The following UBE2R2 variants were observed in gnomAD, a reference collection of about 807,000 sequenced individuals.
UBE2R2 encodes ubiquitin conjugating enzyme E2 R2, also known as ubiquitin-conjugating enzyme E2 R2.
Under a neutral mutation model 27.8 loss-of-function variants are expected in UBE2R2, and 1 was observed. That is an observed-to-expected ratio of 0.04 (90% CI 0.01 to 0.17). UBE2R2 has a LOEUF of 0.17. UBE2R2 is among the 10% of genes least tolerant of loss of function. UBE2R2 has a pLI of 1.00. For missense variants in UBE2R2, 100 were observed against 291.0 expected (o/e 0.34, Z 4.78); for synonymous variants, 106 against 113.3 (o/e 0.94, Z 0.41).
intron 1 of UBE2R2, among the ~76,000 whole-genome samples, chr9:33,850,775 A>G (rs908792429): frequency 3.3e-5 from 5 of 152,228 alleles, no homozygotes; most frequent in Non-Finnish European, 7.3e-5. Context: ...ATAAGGAACA[A>G]TCAGTTCCCT....
At chr9:33,835,571 C>A (rs1290191525) in intron 1 of UBE2R2, among the ~76,000 whole-genome samples, 1 of 152,042 alleles carries the variant, frequency 6.6e-6, no homozygotes, top group Non-Finnish European at 1.5e-5. Flanking sequence ...TATGTCCTTA[C>A]AATTTTTGTT....
intron 1 of UBE2R2, among the ~76,000 whole-genome samples, chr9:33,836,112 C>T (rs1407604673): frequency 4.6e-5 from 7 of 151,728 alleles, no homozygotes; most frequent in African/African-American, 1.5e-4. Context: ...GAGACCAGCC[C>T]GGCCAGCATG....
intron 1 of UBE2R2, among the ~76,000 whole-genome samples, chr9:33,854,600 G>A (rs931351104): frequency 6.6e-6 from 1 of 152,046 alleles, no homozygotes; most frequent in African/African-American, 2.4e-5. Flanking sequence ...GGGATTACAG[G>A]TGTGAGCCAC....
At chr9:33,823,105 C>T (rs186995345) in intron 1 of UBE2R2, among the ~76,000 whole-genome samples, 1 of 151,388 alleles carries the variant, frequency 6.6e-6, no homozygotes, top group Non-Finnish European at 1.5e-5. Flanking sequence ...GGGGTTTTGC[C>T]ATGTTGGCCA....
chr9:33,904,431 C>T (rs926527791), intron 3 of UBE2R2, among the ~76,000 whole-genome samples: 1 of 152,186 alleles, frequency 6.6e-6, no homozygotes, highest in Non-Finnish European at 1.5e-5. Flanking sequence ...TTATCTGCTG[C>T]CTCTCACTGG....
At chr9:33,821,193 C>T (rs555106047) in intron 1 of UBE2R2, among the ~76,000 whole-genome samples, 1 of 152,186 alleles carries the variant, frequency 6.6e-6, no homozygotes, top group Non-Finnish European at 1.5e-5. Flanking sequence ...TTCTCTGTCA[C>T]TTAGTTTGGG....
At chr9:33,904,712 G>T (rs191732946) in intron 3 of UBE2R2, among the ~76,000 whole-genome samples, 3 of 152,156 alleles carry the variant, frequency 2.0e-5, no homozygotes, top group Admixed American at 6.5e-5. Flanking sequence ...TTCACTAAAG[G>T]CTCGGTAGCT....
intron 1 of UBE2R2, among the ~76,000 whole-genome samples, chr9:33,869,805 C>T (rs1821445822): frequency 6.6e-6 from 1 of 151,464 alleles, no homozygotes; most frequent in Non-Finnish European, 1.5e-5. Flanking sequence ...TACATCTTTG[C>T]CTAGATATTT....
intron 1 of UBE2R2, among the ~76,000 whole-genome samples, chr9:33,823,625 C>G (rs1820223635): frequency 6.6e-6 from 1 of 152,194 alleles, no homozygotes; most frequent in Non-Finnish European, 1.5e-5. Context: ...ATCTACCCGC[C>G]TTGGCCTCCC....
At chr9:33,881,911 A>G (rs889838677) in intron 1 of UBE2R2, among the ~76,000 whole-genome samples, 2 of 152,210 alleles carry the variant, frequency 1.3e-5, no homozygotes, top group African/African-American at 2.4e-5. Context: ...GGAAAGGGGA[A>G]TTCAACTTCA....
At chr9:33,827,060 C>T (rs1215592959) in intron 1 of UBE2R2, among the ~76,000 whole-genome samples, 2 of 152,214 alleles carry the variant, frequency 1.3e-5, no homozygotes, top group East Asian at 3.9e-4. Flanking sequence ...CGAGATCGCG[C>T]CACTGCGCTC....
rs1483427337 is a variant in UBE2R2 at position 33,817,800 on chromosome 9, C to G, written c.43C>G (p.Leu15Val). Residue 15 changes from leucine to valine, a missense_variant, in exon 1 of 5, where the codon CTC (leucine) becomes GTC (valine). By Grantham distance (32) the Leu-to-Val change is conservative (BLOSUM62 1). Transcript: ENST00000263228. Reference sequence around the variant, plus strand: ...GACCAGCTCGCAGAAGGCCCTGATGCTCGAGCTGAAATCCCTGCAGGAGGA... The same window carrying G: ...GACCAGCTCGCAGAAGGCCCTGATGGTCGAGCTGAAATCCCTGCAGGAGGA... ...QMTSSQKALMLELKSLQEEPV... is the reference protein window; with the variant it reads ...QMTSSQKALMVELKSLQEEPV... 1 of 1,610,666 alleles carries G rather than the reference C, an allele frequency of 6.2e-7. No homozygotes were observed.
chr9:33,818,540 AAAAAAAAAAAAAG>A (rs1461817342), intron 1 of UBE2R2: 3 of 143,594 alleles, frequency 2.1e-5, no homozygotes, highest in African/African-American at 7.4e-5. Flanking sequence ...AAAAAAAAAA[AAAAAAAAAAAAAG>A]GGTGCCCGCG....
At chr9:33,879,284 A>G (rs934712573) in intron 1 of UBE2R2, among the ~76,000 whole-genome samples, 3 of 152,142 alleles carry the variant, frequency 2.0e-5, no homozygotes, top group Non-Finnish European at 4.4e-5. Flanking sequence ...GTCGCTTAAG[A>G]TAACAGCTGA....
chr9:33,856,758 G>T, intron 1 of UBE2R2, among the ~76,000 whole-genome samples: 1 of 142,820 alleles, frequency 7.0e-6, no homozygotes. Flanking sequence ...ATTCTCATCT[G>T]TAATTCCAGA....
intron 2 of UBE2R2, among the ~76,000 whole-genome samples, chr9:33,895,638 GA>G (rs781142224): frequency 2.3e-4 from 35 of 152,044 alleles, no homozygotes; most frequent in Non-Finnish European, 2.1e-4. Context: ...TCAAACTGGG[GA>G]ATAGAACCAT....
chr9:33,858,357 T>A (rs1009253111), intron 1 of UBE2R2, among the ~76,000 whole-genome samples: 22 of 152,268 alleles, frequency 1.4e-4, no homozygotes, highest in Non-Finnish European at 2.8e-4. Context: ...GAACAATAAG[T>A]GTATTTTGTT....
chr9:33,818,739 G>C (rs1563977757), intron 1 of UBE2R2: 1 of 152,096 alleles, frequency 6.6e-6, no homozygotes, highest in African/African-American at 2.4e-5. Context: ...GTCATGTAGG[G>C]AGACTGATAG....
At chr9:33,837,201 A>AT (rs990712281) in intron 1 of UBE2R2, among the ~76,000 whole-genome samples, 10 of 152,152 alleles carry the variant, frequency 6.6e-5, no homozygotes, top group Admixed American at 5.9e-4. Flanking sequence ...TCTAATTAAC[A>AT]TATCTTTTTC....
Sources: allele counts gnomAD v4.1 joint callset (sites outside exome capture counted in the v4.1 genomes callset), GRCh38; gene constraint gnomAD v4.1.1; transcripts MANE v1.5; gene names NCBI Gene and HGNC (gene_info 2026-07-23, HGNC 2026-07-21).